Variants in TNKS2 observed in about 807,000 individuals in gnomAD.
TNKS2 encodes the protein tankyrase 2.
TNKS2 carries 72 observed loss-of-function variants against 137.6 expected under a neutral mutation model. That is an observed-to-expected ratio of 0.52 (90% CI 0.43 to 0.64). The LOEUF (loss-of-function observed/expected upper bound fraction) is 0.64. Ranked by LOEUF, TNKS2 falls within the 30% of genes least tolerant of loss-of-function variation. The pLI is 0.00. For missense variants in TNKS2, 1,049 were observed against 1,410.2 expected (o/e 0.74, Z 4.10); for synonymous variants, 516 against 512.1 (o/e 1.01, Z -0.10).
chr10:91,832,788 G>GT (rs1841855605), intron 11 of TNKS2, among the ~76,000 whole-genome samples: 1 of 152,008 alleles, frequency 6.6e-6, no homozygotes, highest in Non-Finnish European at 1.5e-5. Flanking sequence ...AACGTTGGTG[G>GT]AGTCTTACAG....
intron 1 of TNKS2, among the ~76,000 whole-genome samples, chr10:91,804,168 A>T (rs1193102780): frequency 1.3e-5 from 2 of 152,122 alleles, no homozygotes; most frequent in African/African-American, 4.8e-5. Flanking sequence ...CAAATCATTA[A>T]CACCATATTC....
Position 91,863,013 on chromosome 10 carries a change from G to A in TNKS2, c.*14G>A. ...GTCGATGGATAAATAGTTATTTTAAGAAACTAATTCCACTGAACCTAAAAT... is the reference window on the plus strand; with the variant it reads ...GTCGATGGATAAATAGTTATTTTAAAAAACTAATTCCACTGAACCTAAAAT... On this transcript the variant is annotated 3_prime_UTR_variant, in exon 27 of 27. Coordinates refer to ENST00000371627, the MANE Select transcript of TNKS2 (RefSeq NM_025235.4). 1 of 1,579,618 alleles carries A rather than the reference G, an allele frequency of 6.3e-7. No individual in the cohort carries two copies. The highest frequency in any genetic ancestry group is 8.7e-7 in the Non-Finnish European group (1 of 1,151,474).
intron 21 of TNKS2, among the ~76,000 whole-genome samples, chr10:91,854,564 T>C (rs2133677826): frequency 6.6e-6 from 1 of 152,282 alleles, no homozygotes; most frequent in East Asian, 1.9e-4. Context: ...TGTACTTTCA[T>C]CCTTTCTAAA....
At chr10:91,836,601 G>T (rs935577035) in intron 12 of TNKS2, 1 of 979,290 alleles carries the variant, frequency 1.0e-6, no homozygotes, top group African/African-American at 1.8e-5. Context: ...TAATACTTTT[G>T]CACCATTCCA....
At chr10:91,851,741 T>G (rs977022793) in intron 21 of TNKS2, among the ~76,000 whole-genome samples, 1 of 152,210 alleles carries the variant, frequency 6.6e-6, no homozygotes, top group Non-Finnish European at 1.5e-5. Flanking sequence ...AGTACTATAG[T>G]AGATCTCTTA....
intron 21 of TNKS2, among the ~76,000 whole-genome samples, chr10:91,851,759 A>G (rs1842545286): frequency 6.6e-6 from 1 of 152,238 alleles, no homozygotes; most frequent in Non-Finnish European, 1.5e-5. Flanking sequence ...TTATGTAGAT[A>G]AAATTTTAAG....
intron 1 of TNKS2, among the ~76,000 whole-genome samples, chr10:91,808,653 A>G (rs12778632): frequency 0.051 from 7,697 of 152,226 alleles, 290 homozygotes; most frequent in Non-Finnish European, 0.079. Flanking sequence ...AGTTTGAGAT[A>G]CCTTTAAAAT....
At chr10:91,835,116 C>T (rs1178342162) in intron 12 of TNKS2, among the ~76,000 whole-genome samples, 3 of 151,998 alleles carry the variant, frequency 2.0e-5, no homozygotes, top group South Asian at 2.1e-4. Context: ...GTGTGAATTA[C>T]AGAAGTAATA....
chr10:91,835,912 A>C (rs61218533), intron 12 of TNKS2, among the ~76,000 whole-genome samples: 1 of 150,600 alleles, frequency 6.6e-6, no homozygotes. Context: ...CCAGCCAACC[A>C]TGTCTCTTTT....
chr10:91,856,402 T>A (rs993472101), intron 23 of TNKS2, among the ~76,000 whole-genome samples: 3 of 152,220 alleles, frequency 2.0e-5, no homozygotes, highest in Admixed American at 1.3e-4. Flanking sequence ...CTGAACAGTA[T>A]CAAATCTTTC....
At position 91,842,272 on chromosome 10, in the gene TNKS2, C is replaced by G; in HGVS notation, c.1940C>G (p.Ala647Gly). The G allele has an allele frequency of 6.2e-7, 1 of 1,613,940 alleles. No homozygotes were observed. The highest frequency in any genetic ancestry group is 8.5e-7 in the Non-Finnish European group (1 of 1,179,904). ...ATTCAAGATCTGCTTAGGGGAGATG[C>G]AGCTTTGCTAGATGCTGCCAAGAAG... ...TDIQDLLRGD[A>G]ALLDAAKKGC... Residue 647 changes from alanine to glycine, a missense_variant, in exon 16 of 27, where the codon GCA becomes GGA. This residue lies in a region of TNKS2 where 328 missense variants were observed against 436.0 expected (regional missense o/e 0.75). Transcript: ENST00000371627.
At chr10:91,810,327 G>A (rs1014106803) in intron 1 of TNKS2, among the ~76,000 whole-genome samples, 2 of 151,706 alleles carry the variant, frequency 1.3e-5, no homozygotes, top group African/African-American at 4.8e-5. Flanking sequence ...GCAGTGAGCC[G>A]AGATCACGCC....
At chr10:91,835,842 A>G (rs1371804642) in intron 12 of TNKS2, among the ~76,000 whole-genome samples, 1 of 142,908 alleles carries the variant, frequency 7.0e-6, no homozygotes, top group African/African-American at 2.6e-5. Context: ...TCCTGACCTC[A>G]AGTAATCTGT....
intron 12 of TNKS2, among the ~76,000 whole-genome samples, chr10:91,835,598 T>C (rs1376119544): frequency 1.7e-4 from 25 of 148,648 alleles, no homozygotes; most frequent in African/African-American, 4.4e-4. Flanking sequence ...CTTTCTTTTT[T>C]TTTTTTTTTT....
Position 91,862,947 on chromosome 10 carries a change from AG to A in TNKS2, c.3450del (p.Glu1150AspfsTer3). ...ATCTTTCTCTTCCAGGCTTATCCTG[AG>A]TATTTAATTACTTACCAGATTATGA... is the stretch of plus-strand genomic sequence containing the variant. ...VIYRGEQAYP[E>X]YLITYQIMRP... On this transcript the variant is annotated frameshift_variant, in exon 27 of 27. Transcript: ENST00000371627. LOFTEE classifies it high-confidence loss of function. 1 of 1,605,564 alleles carries A rather than the reference AG, an allele frequency of 6.2e-7. No homozygotes were observed. The highest frequency in any genetic ancestry group is 8.5e-7 in the Non-Finnish European group (1 of 1,174,620).
intron 20 of TNKS2, among the ~76,000 whole-genome samples, chr10:91,849,940 T>C (rs1389719302): frequency 6.6e-6 from 1 of 152,252 alleles, no homozygotes; most frequent in Non-Finnish European, 1.5e-5. Flanking sequence ...CAGCCATATC[T>C]GGGCTTTTCT....
chr10:91,862,697 C>G (rs1251181058), intron 26 of TNKS2, among the ~76,000 whole-genome samples: 3 of 152,082 alleles, frequency 2.0e-5, no homozygotes, highest in Non-Finnish European at 4.4e-5. Context: ...TTACTAAAAT[C>G]AGACATGATT....
chr10:91,841,190 G>A, intron 14 of TNKS2, 93 bp from the exon 15 acceptor site: 3 of 1,116,858 alleles, frequency 2.7e-6, no homozygotes, highest in Non-Finnish European at 3.7e-6. Context: ...AATTCCTTAT[G>A]TAGTTCAAGA....
intron 7 of TNKS2, among the ~76,000 whole-genome samples, chr10:91,826,493 A>G (rs1287191672): frequency 6.6e-6 from 1 of 152,236 alleles, no homozygotes; most frequent in Non-Finnish European, 1.5e-5. Context: ...GTATGAAAGA[A>G]TCTAGACGAA....
Sources: gnomAD v4.1 joint callset for allele counts (sites outside exome capture counted in the v4.1 genomes callset) on GRCh38, gnomAD v4.1.1 for gene constraint, gnomAD v4.1.1 regional missense constraint, MANE v1.5 for transcripts, NCBI Gene and HGNC (gene_info 2026-07-23, HGNC 2026-07-21) for gene names.